The following SCRG1 variants were observed in gnomAD, a reference collection of about 807,000 sequenced individuals.
The protein encoded by SCRG1 is stimulator of chondrogenesis 1, also known as scrapie-responsive protein 1.
In SCRG1, 3 loss-of-function variants were observed where a neutral mutation model predicts 7.7. The observed-to-expected ratio is 0.39, with a 90% confidence interval of 0.18 to 1.01. The LOEUF (loss-of-function observed/expected upper bound fraction) is 1.01, where lower values mean the gene tolerates loss of function less well. SCRG1 is among the 50% of genes least tolerant of loss of function. The pLI is 0.36. For missense variants in SCRG1, 110 were observed against 117.2 expected, an observed-to-expected ratio of 0.94 and a Z score of 0.28; for synonymous variants, 46 against 41.2, an observed-to-expected ratio of 1.12 and a Z score of -0.44.
chr4:173,445,304 C>T, the SCRG1 span, among the ~76,000 whole-genome samples: 33 of 151,852 alleles, frequency 2.2e-4, no homozygotes, highest in Admixed American at 1.3e-3. Context: ...CATGCAAGGC[C>T]GGGCGCGATG....
chr4:173,444,810 A>G, the SCRG1 span, among the ~76,000 whole-genome samples: 3 of 152,198 alleles, frequency 2.0e-5, no homozygotes. Flanking sequence ...TGAGGCAGAC[A>G]ACAGGCTGAG....
the SCRG1 span, among the ~76,000 whole-genome samples, chr4:173,472,672 A>T: frequency 8.3e-6 from 1 of 120,014 alleles, no homozygotes; most frequent in Non-Finnish European, 1.7e-5. Flanking sequence ...AGGCAGGAGG[A>T]ATTACCTCTT....
the SCRG1 span, among the ~76,000 whole-genome samples, chr4:173,482,020 T>A: frequency 5.3e-5 from 8 of 152,172 alleles, no homozygotes; most frequent in Admixed American, 2.0e-4. Context: ...GTATATGGAT[T>A]AAATTAAATA....
the SCRG1 span, among the ~76,000 whole-genome samples, chr4:173,483,298 G>GATATATTATATATCAT: frequency 3.7e-5 from 1 of 27,338 alleles, no homozygotes; most frequent in African/African-American, 1.6e-4. Context: ...TATCATATAT[G>GATATATTATATATCAT]ATATATTATA....
intron 1 of SCRG1, among the ~76,000 whole-genome samples, chr4:173,395,818 AATT>A (rs534880496): frequency 1.3e-3 from 199 of 152,318 alleles, no homozygotes; most frequent in African/African-American, 4.4e-3. Context: ...AGAGCTGATT[AATT>A]ATTTAGTGAA....
At chr4:173,454,004 G>A in the SCRG1 span, among the ~76,000 whole-genome samples, 2 of 152,004 alleles carry the variant, frequency 1.3e-5, no homozygotes, top group African/African-American at 4.8e-5. Context: ...CTTGAACCCG[G>A]GAGGTGGAGG....
the SCRG1 span, among the ~76,000 whole-genome samples, chr4:173,519,059 C>T: frequency 6.6e-6 from 1 of 151,848 alleles, no homozygotes; most frequent in Non-Finnish European, 1.5e-5. Context: ...CCAGGCCCGC[C>T]ACGTCTACGC....
At chr4:173,503,978 C>T in the SCRG1 span, among the ~76,000 whole-genome samples, 6 of 152,172 alleles carry the variant, frequency 3.9e-5, no homozygotes, top group South Asian at 2.1e-4. This position sits in a 1 kb window ranked among gnomAD's most constrained non-coding sequence, Gnocchi z 6.4. Context: ...ACCATAAGCA[C>T]GGTGTAGTCT....
the SCRG1 span, among the ~76,000 whole-genome samples, chr4:173,467,292 A>T: frequency 1.3e-5 from 2 of 152,034 alleles, no homozygotes; most frequent in East Asian, 3.8e-4. Context: ...GCTTTTTGGG[A>T]TTGGTGTAGA....
At chr4:173,444,833 AAG>A in the SCRG1 span, among the ~76,000 whole-genome samples, 2 of 152,152 alleles carry the variant, frequency 1.3e-5, no homozygotes, top group Non-Finnish European at 2.9e-5. Context: ...AATCTCCGAG[AAG>A]AGAGAGACCC....
chr4:173,477,762 C>T, the SCRG1 span, among the ~76,000 whole-genome samples: 60 of 141,904 alleles, frequency 4.2e-4, no homozygotes, highest in African/African-American at 1.5e-3. Flanking sequence ...TTCCTTCCTT[C>T]CTTCCTTCTT....
At chr4:173,445,640 G>A in the SCRG1 span, among the ~76,000 whole-genome samples, 2 of 150,756 alleles carry the variant, frequency 1.3e-5, no homozygotes, top group Admixed American at 6.6e-5. Context: ...AGGATTTTAG[G>A]GGACATTTTC....
chr4:173,398,938 A>G (rs1295042281), intron 1 of SCRG1, 130 bp downstream of exon 1: 1 of 152,214 alleles, frequency 6.6e-6, no homozygotes, highest in Non-Finnish European at 1.5e-5. Flanking sequence ...TGCCTGCATC[A>G]TCTCCTCAGA....
chr4:173,400,643 C>G (rs1739737726), upstream of SCRG1, among the ~76,000 whole-genome samples: 1 of 152,192 alleles, frequency 6.6e-6, no homozygotes, highest in Admixed American at 6.5e-5. Context: ...TTACTGTGCT[C>G]TTACTGTGTG....
the SCRG1 span, among the ~76,000 whole-genome samples, chr4:173,480,948 TA>T: frequency 2.0e-4 from 31 of 152,222 alleles, no homozygotes; most frequent in African/African-American, 7.5e-4. Flanking sequence ...ATTTTTATGA[TA>T]AAAAGGTAAG....
At position 173,396,712 on chromosome 4, in the gene SCRG1, T is replaced by TTGTG. The variant is rs71594043; in HGVS notation, c.-15+2352_-15+2355dup. Among the ~76,000 whole-genome samples the TTGTG allele has an allele frequency of 1.8e-3, 196 of 107,064 alleles. 1 individual carries two copies. The highest frequency in any genetic ancestry group is 4.9e-3 in the Admixed American group (56 of 11,326). The allele number at this position is 107,064 out of a possible 152,430, so 70.2% of individuals were successfully genotyped here. A position where few individuals can be genotyped will look rare whatever the true frequency, so the allele number is the denominator to read the frequency against. On this transcript the variant is annotated intron_variant, in intron 1 of 2. Coordinates refer to ENST00000296506, the MANE Select transcript of SCRG1 (RefSeq NM_007281.4). ...ACCTAGCAAGTACCTACTGGTAGTT[T>TTGTG]TGTGTGTGTGTGTGTGTGTGTGTGT...
At chr4:173,514,400 A>C in the SCRG1 span, among the ~76,000 whole-genome samples, 19 of 152,204 alleles carry the variant, frequency 1.2e-4, no homozygotes, top group African/African-American at 4.6e-4. Flanking sequence ...AGAGGACAAG[A>C]CCTTTCCCTA....
At chr4:173,493,683 A>G in the SCRG1 span, among the ~76,000 whole-genome samples, 2 of 151,104 alleles carry the variant, frequency 1.3e-5, no homozygotes, top group African/African-American at 4.9e-5. Context: ...CGAGTGCTCT[A>G]TGTGTTTGTG....
At chr4:173,408,991 CAAA>C (rs991902394), upstream of SCRG1, among the ~76,000 whole-genome samples, 1 of 51,264 alleles carries the variant, frequency 2.0e-5, no homozygotes. Context: ...GACTCAGTCT[CAAA>C]AAAAAAAAAA....
Sources: allele counts gnomAD v4.1 joint callset (sites outside exome capture counted in the v4.1 genomes callset), GRCh38; gene constraint gnomAD v4.1.1; non-coding constraint Gnocchi (gnomAD v3.1); transcripts MANE v1.5; gene names NCBI Gene and HGNC (gene_info 2026-07-23, HGNC 2026-07-21).